Variants in KRTAP4-7 observed in about 807,000 individuals in gnomAD.
KRTAP4-7 encodes keratin associated protein 4-7.
KRTAP4-7 carries 1 observed loss-of-function variant against 3.0 expected under a neutral mutation model. The observed-to-expected ratio is 0.33, with a 90% CI of 0.12 to 1.57. The LOEUF is 1.57. Among genes scored for constraint, KRTAP4-7 ranks in the 40% most tolerant of loss-of-function variants. The probability of loss-of-function intolerance (pLI) is 0.37; values close to 1 mark genes in which losing one functional copy is unlikely to be tolerated. For missense variants in KRTAP4-7, 199 were observed against 209.1 expected, an observed-to-expected ratio of 0.95 and a Z score of 0.30; for synonymous variants, 70 against 74.6, an observed-to-expected ratio of 0.94 and a Z score of 0.32.
exon 1 of KRTAP4-7, chr17:41,084,447 A>C (rs761281456): frequency 6.6e-7 from 1 of 1,506,998 alleles, no homozygotes. Flanking sequence ...TAGGTGCTGC[A>C]TCTCCAGCTG....
chr17:41,084,644 C>T lies in KRTAP4-7; in HGVS notation c.438C>T (p.Arg146=), dbSNP rs370744943. The change falls in exon 1 of 1, where the codon CGC becomes CGT. Residue 146 remains arginine (R), a synonymous_variant. Transcript: ENST00000391417. ...CCTGTGTCATCTCCACCTGTCCCCG[C>T]CCCTTGTGCTGTGCCTCCTCTTGCT... is the stretch of plus-strand genomic sequence containing the variant. 76 of 1,599,948 alleles carry T rather than the reference C, an allele frequency of 4.8e-5. No homozygotes were observed. The African/African-American group carries it at 7.8e-4, about 16-fold the overall frequency.
In KRTAP4-7 at chr17:41,084,863, C is replaced by T. The variant is rs539360735; in HGVS notation, c.*189C>T. 2.1e-3 allele frequency: 1,963 copies of T among 954,338 alleles called. 23 individuals are homozygous for T. The African/African-American group carries it at 0.03, about 14-fold the overall frequency. The allele number at this position is 954,338 out of a possible 1,614,324, so 59.1% of individuals were successfully genotyped here. The stretch of plus-strand genomic sequence containing the variant: ...ATTCTGGTTCATTTTAAACTCCCTC[C>T]TTTGCTTTCTTTTTCTTCTGGTGGT... On this transcript the variant is annotated 3_prime_UTR_variant, in exon 1 of 1. Transcript: ENST00000391417.
chr17:41,085,099 C>A, exon 1 of KRTAP4-7: 1 of 227,022 alleles, frequency 4.4e-6, no homozygotes, highest in East Asian at 1.1e-4. Context: ...ATTTCTTATG[C>A]TTTGTTGTAT....
exon 1 of KRTAP4-7, chr17:41,084,182 C>T (rs1309537041): frequency 4.4e-6 from 7 of 1,588,124 alleles, no homozygotes; most frequent in Non-Finnish European, 6.0e-6. Context: ...TGGAAACCCA[C>T]CCAGATCCTC....
At chr17:41,084,649 T>C (rs765411456) in exon 1 of KRTAP4-7, 2 of 1,598,320 alleles carry the variant, frequency 1.3e-6, no homozygotes, top group Non-Finnish European at 8.5e-7. Flanking sequence ...CCCCGCCCCT[T>C]GTGCTGTGCC....
exon 1 of KRTAP4-7, chr17:41,084,806 G>C (rs1323919433): frequency 3.0e-6 from 4 of 1,346,176 alleles, no homozygotes; most frequent in Non-Finnish European, 2.0e-6. Flanking sequence ...CTTCCAAAGA[G>C]CCCACCACCA....
Position 41,084,295 on chromosome 17 carries a change from G to A in KRTAP4-7, c.89G>A (p.Cys30Tyr), listed in dbSNP as rs560490323. 21 of 1,613,972 alleles carry A rather than the reference G, an allele frequency of 1.3e-5. No individual in the cohort carries two copies. In the East Asian group the frequency reaches 3.8e-4, roughly 29 times the overall value. Residue 30 changes from cysteine to tyrosine, a missense_variant, in exon 1 of 1, where the codon TGT (cysteine) becomes TAT (tyrosine). Transcript: ENST00000391417. Reference sequence around the variant, plus strand: ...GAGACCTGCTGCCGCCCCAGCTGCTGTCAGACCACCTGTTGCAGGACCACC... The same window carrying A: ...GAGACCTGCTGCCGCCCCAGCTGCTATCAGACCACCTGTTGCAGGACCACC...
exon 1 of KRTAP4-7, chr17:41,084,457 G>T (rs1411505860): frequency 1.3e-6 from 2 of 1,509,678 alleles, no homozygotes; most frequent in Non-Finnish European, 1.8e-6. Context: ...ATCTCCAGCT[G>T]CTGCCGCCCC....
chr17:41,084,536 C>G (rs765284481), exon 1 of KRTAP4-7: 3 of 1,304,574 alleles, frequency 2.3e-6, no homozygotes, highest in Non-Finnish European at 3.2e-6. Flanking sequence ...CCACCTGCTG[C>G]CGCCCCAGCT....
chr17:41,084,552 C>T lies in KRTAP4-7; in HGVS notation c.346C>T (p.Arg116Cys), dbSNP rs777211664. Residue 116 changes from arginine (R) to cysteine (C), a missense_variant, in exon 1 of 1, where the codon CGC becomes TGC. By Grantham distance (180) the Arg-to-Cys change is radical. Coordinates refer to ENST00000391417, the Ensembl canonical transcript of KRTAP4-7. ...CACCTGCTGCCGCCCCAGCTGCTGC[C>T]GCCCCTGCTGCTGCCTGCGTCCAGT... 1.3e-5 allele frequency: 12 copies of T among 913,846 alleles called. No individual in the cohort carries two copies. The African/African-American group carries it at 1.5e-4, about 12-fold the overall frequency. 56.6% of individuals were successfully genotyped at this position (913,846 alleles called of 1,614,324 possible). A position where few individuals can be genotyped will look rare whatever the true frequency, so the allele number is the denominator to read the frequency against.
exon 1 of KRTAP4-7, chr17:41,084,678 C>T: frequency 6.3e-7 from 1 of 1,585,248 alleles, no homozygotes; most frequent in South Asian, 1.1e-5. Flanking sequence ...CTGCTGAGCC[C>T]ACTGCCCTGG....
chr17:41,084,491 C>T lies in KRTAP4-7; in HGVS notation c.285C>T (p.Cys95=), dbSNP rs545673010. ...CCAGCTGCTGTATGTCCAGCTGCTG[C>T]AAGCCCCAGTGCTGCCAGTCTGTGT... is the stretch of plus-strand genomic sequence containing the variant. Residue 95 remains cysteine (C), a synonymous_variant, in exon 1 of 1, where the codon TGC becomes TGT. Coordinates refer to ENST00000391417, the Ensembl canonical transcript of KRTAP4-7. 42 of 1,504,164 alleles carry T rather than the reference C, an allele frequency of 2.8e-5. 1 individual carries two copies. The African/African-American group carries it at 5.6e-4, about 20-fold the overall frequency. The allele number at this position is 1,504,164 out of a possible 1,614,324, so 93.2% of individuals were successfully genotyped here.
chr17:41,084,279 T>C (rs1421556286), exon 1 of KRTAP4-7: 12 of 1,613,940 alleles, frequency 7.4e-6, no homozygotes, highest in Non-Finnish European at 1.0e-5. Context: ...GGAGACCTGC[T>C]GCCGCCCCAG....
At chr17:41,084,304 C>T (rs997138964) in exon 1 of KRTAP4-7, 1 of 1,613,784 alleles carries the variant, frequency 6.2e-7, no homozygotes, top group South Asian at 1.1e-5. Context: ...TGTCAGACCA[C>T]CTGTTGCAGG....
exon 1 of KRTAP4-7, chr17:41,084,242 C>A (rs1306398974): frequency 1.2e-6 from 2 of 1,612,868 alleles, no homozygotes; most frequent in African/African-American, 1.3e-5. Flanking sequence ...TGTGCTCTGA[C>A]CAGGGCTGCA....
At chr17:41,084,770 T>TGTCA (rs1792889638) in exon 1 of KRTAP4-7, 1 of 1,470,692 alleles carries the variant, frequency 6.8e-7, no homozygotes, top group African/African-American at 1.4e-5. Context: ...GTGGGGTTGA[T>TGTCA]GTCATTCAAT....
At chr17:41,084,800 C>G in exon 1 of KRTAP4-7, 2 of 1,369,520 alleles carry the variant, frequency 1.5e-6, no homozygotes, top group African/African-American at 1.5e-5. Context: ...CTTATGCTTC[C>G]AAAGAGCCCA....
At chr17:41,084,659 C>T (rs375344767) in exon 1 of KRTAP4-7, 1 of 1,595,206 alleles carries the variant, frequency 6.3e-7, no homozygotes, top group Non-Finnish European at 8.5e-7. Flanking sequence ...TGTGCTGTGC[C>T]TCCTCTTGCT....
At chr17:41,084,248 C>A in exon 1 of KRTAP4-7, 1 of 1,613,312 alleles carries the variant, frequency 6.2e-7, no homozygotes, top group Non-Finnish European at 8.5e-7. Flanking sequence ...CTGACCAGGG[C>A]TGCAGCCAAG....
Sources: allele counts gnomAD v4.1 joint callset, GRCh38; gene constraint gnomAD v4.1.1; transcripts MANE v1.5; gene names NCBI Gene and HGNC (gene_info 2026-07-23, HGNC 2026-07-21).